ABCA4: variants seen among roughly 807,000 people sequenced by gnomAD.
ABCA4 encodes the protein retinal-specific phospholipid-transporting ATPase ABCA4.
In ABCA4, 196 loss-of-function variants were observed where a neutral mutation model predicts 263.7. The ratio of observed to expected loss-of-function variants is 0.74; its 90% confidence interval spans 0.66 to 0.84. The LOEUF is 0.84. Among genes scored for constraint, ABCA4 ranks in the 40% least tolerant of loss-of-function variants. The probability of loss-of-function intolerance (pLI) is 0.00; values close to 1 mark genes in which losing one functional copy is unlikely to be tolerated. For missense variants in ABCA4, 2,792 were observed against 2,855.1 expected (o/e 0.98, Z 0.50); for synonymous variants, 1,133 against 1,094.2 (o/e 1.04, Z -0.70).
chr1:94,062,375 A>T (rs1460989348), intron 13 of ABCA4, among the ~76,000 whole-genome samples: 1 of 151,136 alleles, frequency 6.6e-6, no homozygotes, highest in African/African-American at 2.4e-5. Flanking sequence ...CTTTCCCACC[A>T]CTGCACTGAC....
intron 6 of ABCA4, among the ~76,000 whole-genome samples, chr1:94,087,570 A>T (rs1233513516): frequency 6.6e-6 from 1 of 152,200 alleles, no homozygotes; most frequent in African/African-American, 2.4e-5. Context: ...TGGAGGAGGC[A>T]GCACAGGTGT....
Position 94,021,865 on chromosome 1 carries a change from C to T in ABCA4, c.4754G>A (p.Arg1585Gln), listed in dbSNP as rs754298400. ...ALVGFLSDLG[R>Q]IMNVSGGPIT... ...ACATACCCCGCTCACATTCATGATC[C>T]GGCCAAGGTCGCTTAAAAACCCAAC... is the stretch of plus-strand genomic sequence containing the variant. Residue 1585 changes from arginine (R) to glutamine (Q), a missense_variant, in exon 33 of 50, where the codon CGG (arginine) becomes CAG (glutamine). Transcript: ENST00000370225. The T allele has an allele frequency of 1.6e-5, 26 of 1,614,018 alleles. No individual in the cohort carries two copies. Among genetic ancestry groups the T allele is most frequent in the African/African-American group, 4.0e-5 (3 of 74,886 alleles).
Position 94,111,455 on chromosome 1 carries a change from T to C in ABCA4, c.285A>G (p.Ser95=), listed in dbSNP as rs374131727. Residue 95 remains serine (S), a synonymous_variant, in exon 3 of 50, where the codon TCA becomes TCG. Coordinates refer to ENST00000370225, the MANE Select transcript of ABCA4 (RefSeq NM_000350.3). The part of the protein sequence containing the change: ...PTPGESPGIV[S]NYNNSILARV... ...ACACTTACATGGAGTTGTTATAGTT[T>C]GACACAATTCCAGGAGATTCTCCTG... 6.2e-7 allele frequency: 1 copy of C among 1,614,094 alleles called. No individual in the cohort carries two copies.
chr1:94,109,566 G>A (rs1378801348), intron 3 of ABCA4, among the ~76,000 whole-genome samples: 1 of 152,212 alleles, frequency 6.6e-6, no homozygotes, highest in Admixed American at 6.5e-5. Context: ...CCGAGGTATT[G>A]TGAATTGCAT....
intron 4 of ABCA4, among the ~76,000 whole-genome samples, chr1:94,104,648 T>G (rs995874593): frequency 3.3e-5 from 5 of 152,206 alleles, no homozygotes; most frequent in African/African-American, 1.2e-4. Context: ...GCACAGTGGC[T>G]TCTCTCACAG....
At chr1:94,099,908 A>C (rs925559944) in intron 5 of ABCA4, among the ~76,000 whole-genome samples, 3 of 152,148 alleles carry the variant, frequency 2.0e-5, no homozygotes, top group Non-Finnish European at 4.4e-5. Context: ...CCTCTCGAGG[A>C]TCAGGTGGCA....
chr1:94,002,643 T>C (rs955791359), intron 44 of ABCA4, among the ~76,000 whole-genome samples: 4 of 152,178 alleles, frequency 2.6e-5, no homozygotes, highest in African/African-American at 7.2e-5. Context: ...TGCTTCTGCC[T>C]TCTATACTAG....
intron 36 of ABCA4, chr1:94,018,582 T>TA (rs1355082033): frequency 4.2e-5 from 19 of 455,844 alleles, no homozygotes; most frequent in Admixed American, 2.8e-4. Flanking sequence ...ACCATCATTT[T>TA]AAAAAACCAT....
At chr1:94,098,074 C>A (rs1450116322) in intron 6 of ABCA4, among the ~76,000 whole-genome samples, 1 of 151,798 alleles carries the variant, frequency 6.6e-6, no homozygotes, top group Non-Finnish European at 1.5e-5. Flanking sequence ...GGTTTTTATG[C>A]ACTTTGCAGT....
intron 40 of ABCA4, among the ~76,000 whole-genome samples, chr1:94,009,737 A>T (rs1659495877): frequency 6.6e-6 from 1 of 152,254 alleles, no homozygotes. Flanking sequence ...TAAAGCAGGC[A>T]GGACTCATTC....
At chr1:94,018,870 A>G (rs72958438) in intron 36 of ABCA4, among the ~76,000 whole-genome samples, 1 of 151,670 alleles carries the variant, frequency 6.6e-6, no homozygotes, top group African/African-American at 2.4e-5. Context: ...TATTGATTTA[A>G]TAAATATTTT....
In ABCA4 at chr1:94,011,669, G is replaced by A. The variant is rs4147855; in HGVS notation, c.5461-284C>T. Among the ~76,000 whole-genome samples, 7,698 of 152,254 alleles carry A rather than the reference G, an allele frequency of 0.051. 297 individuals carry two copies. Among genetic ancestry groups the A allele is most frequent in the East Asian group, 0.1 (528 of 5,172 alleles). ...GGCTCCCTGCAAGTTTCTAGTGGGC[G>A]GGAGCTTCCCCTTTGTCTAGCCAGG... On this transcript the variant is annotated intron_variant, in intron 38 of 49. Transcript: ENST00000370225.
rs182048162 is a variant in ABCA4 at position 93,999,899 on chromosome 1, A to G, written c.6479+937T>C. On this transcript the variant is annotated intron_variant, in intron 47 of 49. Transcript: ENST00000370225. Reference sequence around the variant, plus strand: ...AGGTCTGGTGACCTGACATGCTGCTATTTCTATAGATATCTATGCAGTGTC... The same window carrying G: ...AGGTCTGGTGACCTGACATGCTGCTGTTTCTATAGATATCTATGCAGTGTC... Among the ~76,000 whole-genome samples, 4 of 152,358 alleles carry G rather than the reference A, an allele frequency of 2.6e-5. No homozygotes were observed. In the East Asian group the frequency reaches 7.7e-4, roughly 29 times the overall value.
chr1:94,026,631 C>T (rs558751227), intron 30 of ABCA4, among the ~76,000 whole-genome samples: 2 of 152,322 alleles, frequency 1.3e-5, no homozygotes, highest in African/African-American at 4.8e-5. Context: ...GCTGCGATAG[C>T]TTATGATAAA....
intron 22 of ABCA4, 112 bp downstream of exon 22, chr1:94,042,649 T>A (rs1660524037): frequency 7.0e-7 from 1 of 1,430,472 alleles, no homozygotes; most frequent in African/African-American, 1.4e-5. Context: ...CCCTTCTGAG[T>A]GTAGTCATTG....
intron 15 of ABCA4, 88 bp from the exon 16 acceptor site, chr1:94,055,403 G>A: frequency 2.3e-6 from 3 of 1,297,162 alleles, no homozygotes; most frequent in South Asian, 2.5e-5. Flanking sequence ...TAGAGGGGAG[G>A]GCCAAAAGAG....
rs771717115 is a variant in ABCA4 at position 94,021,674 on chromosome 1, A to T, written c.4814T>A (p.Phe1605Tyr). The change falls in exon 34 of 50, where the codon TTC (phenylalanine) becomes TAC (tyrosine). Residue 1605 changes from phenylalanine to tyrosine, a missense_variant. Transcript: ENST00000370225. ...GTCTTCAGTTTCTAGATGTTTAAGG[A>T]AATCAGGTATTTCTTTAGAGGCCTC... is the stretch of plus-strand genomic sequence containing the variant. ...TREASKEIPDFLKHLETEDNI... is the reference protein window; with the variant it reads ...TREASKEIPDYLKHLETEDNI... 5.6e-6 allele frequency: 9 copies of T among 1,613,298 alleles called. No individual in the cohort carries two copies. In the South Asian group the frequency reaches 8.8e-5, roughly 16 times the overall value.
intron 19 of ABCA4, among the ~76,000 whole-genome samples, chr1:94,045,503 C>G (rs943228280): frequency 6.6e-6 from 1 of 152,032 alleles, no homozygotes; most frequent in South Asian, 2.1e-4. Context: ...TGTCAGCAGC[C>G]GATGAAGTAA....
rs2101069671 is a variant in ABCA4, at chr1:94,056,649, C to T, written c.2334G>A (p.Leu778=). Residue 778 remains leucine, a synonymous_variant, in exon 15 of 50, where the codon CTG becomes CTA. Transcript: ENST00000370225. ...IYFTLYLPHI[L]CFAWQDRMTA... ...TCATGCGGTCCTGCCAGGCGAAGCACAGGATGTGTGGCAGGTAGAGGGTGA... is the reference window on the plus strand; with the variant it reads ...TCATGCGGTCCTGCCAGGCGAAGCATAGGATGTGTGGCAGGTAGAGGGTGA... The T allele has an allele frequency of 6.2e-7, 1 of 1,613,990 alleles. No individual in the cohort carries two copies. Among genetic ancestry groups the T allele is most frequent in the Non-Finnish European group, 8.5e-7 (1 of 1,180,044 alleles).
Sources: allele counts gnomAD v4.1 joint callset (sites outside exome capture counted in the v4.1 genomes callset), GRCh38; gene constraint gnomAD v4.1.1; transcripts MANE v1.5; gene names NCBI Gene and HGNC (gene_info 2026-07-23, HGNC 2026-07-21).